The following CD160 variants were observed in gnomAD, a reference collection of about 807,000 sequenced individuals.
CD160 encodes the protein CD160 molecule, also known as CD160 antigen.
A neutral mutation model predicts 19.2 loss-of-function variants in CD160; 11 were observed. That is an observed-to-expected ratio of 0.57 (90% CI 0.36 to 0.95). The LOEUF (loss-of-function observed/expected upper bound fraction) is 0.95, where lower values mean the gene tolerates loss of function less well. Ranked by LOEUF, CD160 falls within the 40% of genes least tolerant of loss-of-function variation. The pLI, the probability that CD160 is intolerant of heterozygous loss-of-function variation, is 0.01. For missense variants in CD160, 182 were observed against 213.2 expected (o/e 0.85, Z 0.91); for synonymous variants, 75 against 81.1 (o/e 0.93, Z 0.40).
intron 4 of CD160, among the ~76,000 whole-genome samples, chr1:145,732,963 C>T (rs1657353244): frequency 6.6e-6 from 1 of 152,078 alleles, no homozygotes; most frequent in Admixed American, 6.6e-5. Flanking sequence ...CACTAGGAAG[C>T]AGCAATATGA....
intron 1 of CD160, among the ~76,000 whole-genome samples, chr1:145,719,945 G>A (rs918697645): frequency 1.1e-4 from 17 of 152,212 alleles, no homozygotes; most frequent in Admixed American, 3.9e-4. Flanking sequence ...GTCCTAGGTG[G>A]TTCACGTCAT....
At chr1:145,732,761 C>T (rs1553709570) in intron 4 of CD160, among the ~76,000 whole-genome samples, 2 of 152,126 alleles carry the variant, frequency 1.3e-5, no homozygotes, top group African/African-American at 4.8e-5. Flanking sequence ...TAGCGCACAA[C>T]TTGATTTTGC....
intron 3 of CD160, 137 bp from the exon 4 acceptor site, chr1:145,730,607 G>A (rs1657248856): frequency 4.5e-6 from 3 of 663,748 alleles, no homozygotes; most frequent in South Asian, 3.8e-5. Context: ...GCTGGAATTT[G>A]TATTTCCTGT....
chr1:145,730,910 A>G lies in CD160; in HGVS notation c.240A>G (p.Lys80=), dbSNP rs781795797. 3.1e-6 allele frequency: 5 copies of G among 1,614,162 alleles called. No homozygotes were observed. The highest frequency in any genetic ancestry group is 3.4e-6 in the Non-Finnish European group (4 of 1,180,020). Residue 80 remains lysine, a synonymous_variant, in exon 4 of 6, where the codon AAA becomes AAG. Transcript: ENST00000369288. The part of the protein sequence containing the change: ...PETSLKQLRL[K]RDPGIDGVGE... ...CCAGTTTAAAACAGCTGAGACTTAA[A>G]AGGGATCCTGGGATAGATGGTGTTG...
chr1:145,728,897 G>A (rs1042055917), intron 3 of CD160, among the ~76,000 whole-genome samples: 8 of 152,030 alleles, frequency 5.3e-5, no homozygotes, highest in African/African-American at 1.4e-4. Context: ...GGCAATCTGC[G>A]CCTCAACCTA....
intron 4 of CD160, among the ~76,000 whole-genome samples, chr1:145,735,631 C>A (rs1430698243): frequency 6.6e-6 from 1 of 152,010 alleles, no homozygotes; most frequent in Non-Finnish European, 1.5e-5. Flanking sequence ...AAACCCAGAT[C>A]TATTCCAAAA....
intron 3 of CD160, 79 bp from the exon 4 acceptor site, chr1:145,730,665 T>G: frequency 8.6e-7 from 1 of 1,166,640 alleles, no homozygotes; most frequent in Admixed American, 2.0e-5. Context: ...CTTGAAGACT[T>G]CTAGTGATAA....
chr1:145,732,452 T>A (rs1309569532), intron 4 of CD160, among the ~76,000 whole-genome samples: 1 of 151,496 alleles, frequency 6.6e-6, no homozygotes, highest in Non-Finnish European at 1.5e-5. Context: ...GGTGGGAGGA[T>A]CACTTGAGCC....
intron 1 of CD160, among the ~76,000 whole-genome samples, chr1:145,724,140 A>T (rs1656963216): frequency 6.6e-6 from 1 of 152,154 alleles, no homozygotes; most frequent in South Asian, 2.1e-4. Flanking sequence ...TTCACTTAAC[A>T]GGTGGTAATT....
At chr1:145,721,858 C>T (rs974249041) in intron 1 of CD160, among the ~76,000 whole-genome samples, 40 of 152,302 alleles carry the variant, frequency 2.6e-4, no homozygotes, top group Non-Finnish European at 5.4e-4. Flanking sequence ...CAGAATTTCT[C>T]CTGTGCTGCC....
At chr1:145,722,430 G>A (rs587776325) in intron 1 of CD160, among the ~76,000 whole-genome samples, 17 of 152,196 alleles carry the variant, frequency 1.1e-4, no homozygotes, top group Admixed American at 1.1e-3. Context: ...TAAAACGTCC[G>A]CCTCTGCTGT....
chr1:145,737,925 A>C (rs1369673886), intron 5 of CD160: 1 of 152,232 alleles, frequency 6.6e-6, no homozygotes, highest in Non-Finnish European at 1.5e-5. Flanking sequence ...GAAAATATAC[A>C]CTACTTAGAA....
chr1:145,726,261 T>G (rs1274114448), intron 2 of CD160, among the ~76,000 whole-genome samples: 1 of 152,180 alleles, frequency 6.6e-6, no homozygotes, highest in African/African-American at 2.4e-5. Flanking sequence ...TTATAAATCA[T>G]TCTACGATAA....
intron 4 of CD160, 118 bp from the exon 5 acceptor site, chr1:145,735,879 C>A: frequency 4.1e-6 from 3 of 729,610 alleles, no homozygotes; most frequent in South Asian, 3.8e-5. Context: ...ATTTGGGCAA[C>A]GAATTACAGA....
At chr1:145,725,789 T>C (rs914644337) in intron 2 of CD160, among the ~76,000 whole-genome samples, 1 of 152,128 alleles carries the variant, frequency 6.6e-6, no homozygotes, top group African/African-American at 2.4e-5. Context: ...ATTACCATTA[T>C]TATTTAATAT....
At chr1:145,725,454 T>C (rs1346430154) in intron 2 of CD160, among the ~76,000 whole-genome samples, 1 of 151,938 alleles carries the variant, frequency 6.6e-6, no homozygotes, top group Non-Finnish European at 1.5e-5. Flanking sequence ...CAAAAGAAAA[T>C]AACAACATAC....
At chr1:145,728,501 CTTTTTTT>C (rs59357123) in intron 3 of CD160, 101 bp downstream of exon 3, 370 of 293,496 alleles carry the variant, frequency 1.3e-3, no homozygotes, top group East Asian at 1.8e-3. Context: ...ACAAAGGACT[CTTTTTTT>C]TTTTTTTTTT....
At chr1:145,725,290 C>T (rs1392675498) in intron 2 of CD160, among the ~76,000 whole-genome samples, 3 of 150,506 alleles carry the variant, frequency 2.0e-5, no homozygotes, top group East Asian at 4.0e-4. Context: ...CAGTGGCAGG[C>T]GCCTGTAATC....
At chr1:145,731,861 T>A (rs1169793052) in intron 4 of CD160, among the ~76,000 whole-genome samples, 1 of 151,912 alleles carries the variant, frequency 6.6e-6, no homozygotes, top group Non-Finnish European at 1.5e-5. Flanking sequence ...GTACCATAGA[T>A]TAAAGGAGGA....
Sources: allele counts gnomAD v4.1 joint callset (sites outside exome capture counted in the v4.1 genomes callset), GRCh38; gene constraint gnomAD v4.1.1; transcripts MANE v1.5; gene names NCBI Gene and HGNC (gene_info 2026-07-23, HGNC 2026-07-21).